KLHL24: variants seen among roughly 807,000 people sequenced by gnomAD.
The protein encoded by KLHL24 is kelch like family member 24.
A neutral mutation model predicts 53.4 loss-of-function variants in KLHL24; 29 were observed. The observed-to-expected ratio is 0.54, with a 90% confidence interval of 0.40 to 0.74. The LOEUF is 0.74. Ranked by LOEUF, KLHL24 falls within the 30% of genes least tolerant of loss-of-function variation. KLHL24 has a pLI of 0.00. For synonymous variants in KLHL24, 222 were observed against 253.7 expected (o/e 0.88, Z 1.19); for missense variants, 504 against 744.0 (o/e 0.68, Z 3.75).
intron 1 of KLHL24, among the ~76,000 whole-genome samples, chr3:183,640,955 TGGAAA>T (rs1333454731): frequency 3.9e-5 from 6 of 152,074 alleles, no homozygotes; most frequent in Admixed American, 3.3e-4. Flanking sequence ...ATTAAGAAAC[TGGAAA>T]TGTTGAAAAT....
At chr3:183,659,347 A>T (rs1719369138) in intron 3 of KLHL24, among the ~76,000 whole-genome samples, 1 of 151,934 alleles carries the variant, frequency 6.6e-6, no homozygotes, top group Non-Finnish European at 1.5e-5. Flanking sequence ...GACCAGCCTG[A>T]CCAACATGGT....
chr3:183,641,341 G>A (rs1022499558), intron 1 of KLHL24, among the ~76,000 whole-genome samples: 1 of 151,880 alleles, frequency 6.6e-6, no homozygotes, highest in African/African-American at 2.4e-5. Flanking sequence ...AAAAATACAT[G>A]GTGGCGCACA....
Position 183,672,488 on chromosome 3 carries a change from A to G in KLHL24, c.1602+4A>G, listed in dbSNP as rs766993559. 3 of 1,597,126 alleles carry G rather than the reference A, an allele frequency of 1.9e-6. No individual in the cohort carries two copies. Among genetic ancestry groups the G allele is most frequent in the South Asian group, 2.2e-5 (2 of 89,272 alleles). ...ACAGAATACATTCAGCCGTCAGGTA[A>G]TAACATAAAGCAGTACAAAAGAAAA... On this transcript the variant is annotated splice_donor_region_variant and intron_variant, in intron 7 of 7. Transcript: ENST00000242810.
intron 1 of KLHL24, among the ~76,000 whole-genome samples, chr3:183,636,924 A>T (rs1272039485): frequency 6.6e-6 from 1 of 152,088 alleles, no homozygotes; most frequent in Non-Finnish European, 1.5e-5. Flanking sequence ...CTGGGCACGC[A>T]GAGATCGGCT....
intron 7 of KLHL24, among the ~76,000 whole-genome samples, chr3:183,673,243 G>A (rs1721603838): frequency 6.6e-6 from 1 of 152,162 alleles, no homozygotes; most frequent in African/African-American, 2.4e-5. Context: ...AATATTTCAT[G>A]TTTGCTTGAA....
intron 3 of KLHL24, among the ~76,000 whole-genome samples, chr3:183,652,196 TA>T (rs889497493): frequency 2.6e-5 from 4 of 152,180 alleles, no homozygotes; most frequent in African/African-American, 4.8e-5. Context: ...AATGTGTGCT[TA>T]GGGGGTAGAA....
At chr3:183,638,146 G>A (rs1715667224) in intron 1 of KLHL24, among the ~76,000 whole-genome samples, 1 of 152,192 alleles carries the variant, frequency 6.6e-6, no homozygotes. Flanking sequence ...GTATCTAAAT[G>A]AGTACAAAAT....
In KLHL24 at chr3:183,663,553, C is replaced by A; in HGVS notation, c.1016C>A (p.Thr339Lys). 6.2e-7 allele frequency: 1 copy of A among 1,608,810 alleles called. No homozygotes were observed. Among genetic ancestry groups the A allele is most frequent in the Non-Finnish European group, 8.5e-7 (1 of 1,176,816 alleles). Residue 339 changes from threonine (T) to lysine (K), a missense_variant, in exon 4 of 8, where the codon ACA (threonine) becomes AAA (lysine). Thr to Lys is a moderately conservative substitution (Grantham distance 78, BLOSUM62 -1). Transcript: ENST00000242810. The surrounding 1 kb of genome is among the most constrained non-coding windows in gnomAD (Gnocchi z 4.9). ...LPYTECYDPV[T>K]GEWKSLAKLP... ...TACACTGAGTGCTACGATCCTGTAA[C>A]AGGAGAATGGAAGTCTTTGGCTAAG...
At chr3:183,664,794 A>G (rs1021817440) in intron 4 of KLHL24, 127 bp from the exon 5 acceptor site, 19 of 515,356 alleles carry the variant, frequency 3.7e-5, no homozygotes, top group African/African-American at 3.3e-4. Context: ...ATTGAGCTGA[A>G]TTCTCAAATT....
chr3:183,656,059 T>TTTTC lies in KLHL24; in HGVS notation c.920+4785_920+4788dup, dbSNP rs1553840740. ...CATCTTTTTTTTTTTTTTTTTTTTT[T>TTTTC]TTTCTGAGACAGGGTCTCACTCTGT... On this transcript the variant is annotated intron_variant, in intron 3 of 7. Transcript: ENST00000242810. Among the ~76,000 whole-genome samples the TTTTC allele has an allele frequency of 7.7e-3, 1,041 of 135,746 alleles. 22 individuals carry two copies. Among genetic ancestry groups the TTTTC allele is most frequent in the Middle Eastern group, 0.014 (3 of 216 alleles). 89.1% of individuals were successfully genotyped at this position (135,746 alleles called of 152,430 possible).
intron 7 of KLHL24, among the ~76,000 whole-genome samples, chr3:183,674,864 C>T (rs536992793): frequency 1.4e-4 from 22 of 152,124 alleles, no homozygotes; most frequent in Non-Finnish European, 2.8e-4. Flanking sequence ...TGTTCTTGCC[C>T]TGGTTCATGC....
At chr3:183,669,882 G>C (rs1276305000) in intron 5 of KLHL24, among the ~76,000 whole-genome samples, 1 of 152,166 alleles carries the variant, frequency 6.6e-6, no homozygotes, top group Non-Finnish European at 1.5e-5. Context: ...AGATGCTGTG[G>C]AAGAAGACTC....
chr3:183,641,217 GGGCACAGT>G (rs1350173055), intron 1 of KLHL24, among the ~76,000 whole-genome samples: 1 of 151,928 alleles, frequency 6.6e-6, no homozygotes, highest in African/African-American at 2.4e-5. Flanking sequence ...TGTACTGGCC[GGGCACAGT>G]GGCTCACGCC....
At chr3:183,636,781 C>A (rs1268153909) in intron 1 of KLHL24, 1 of 152,026 alleles carries the variant, frequency 6.6e-6, no homozygotes, top group Non-Finnish European at 1.5e-5. Context: ...GCTGTCGCTG[C>A]TTTTGCAGCT....
At chr3:183,645,565 T>C (rs1330588091) in intron 2 of KLHL24, among the ~76,000 whole-genome samples, 1 of 152,226 alleles carries the variant, frequency 6.6e-6, no homozygotes, top group Non-Finnish European at 1.5e-5. Flanking sequence ...CAGAAAAATC[T>C]TAAAAGAGAT....
At chr3:183,656,371 T>A (rs886684726) in intron 3 of KLHL24, among the ~76,000 whole-genome samples, 1 of 152,166 alleles carries the variant, frequency 6.6e-6, no homozygotes, top group Non-Finnish European at 1.5e-5. Context: ...CCTTTCTTCC[T>A]TCGGCCCTCT....
intron 5 of KLHL24, among the ~76,000 whole-genome samples, chr3:183,667,055 G>A (rs1199833348): frequency 6.6e-6 from 1 of 152,132 alleles, no homozygotes; most frequent in Non-Finnish European, 1.5e-5. Flanking sequence ...CAGAAATGGT[G>A]ACCAGGAACC....
At position 183,681,482 on chromosome 3, in the gene KLHL24, A is replaced by G. The variant is rs1712669604; in HGVS notation, c.*2196A>G. Reference sequence around the variant, plus strand: ...TTGTTATACATTTATTTTAATATCCATGTGTTTATTATAGTAAATTTGAAA... The same window carrying G: ...TTGTTATACATTTATTTTAATATCCGTGTGTTTATTATAGTAAATTTGAAA... On this transcript the variant is annotated 3_prime_UTR_variant, in exon 8 of 8. Coordinates refer to ENST00000242810, the MANE Select transcript of KLHL24 (RefSeq NM_017644.3). 1 of 152,258 alleles carries G rather than the reference A, an allele frequency of 6.6e-6. No homozygotes were observed. Among genetic ancestry groups the G allele is most frequent in the African/African-American group, 2.4e-5 (1 of 41,464 alleles). The allele number at this position is 152,258 out of a possible 1,614,324, so 9.4% of individuals were successfully genotyped here.
intron 1 of KLHL24, among the ~76,000 whole-genome samples, chr3:183,639,491 G>T (rs541318308): frequency 2.6e-5 from 4 of 151,458 alleles, no homozygotes; most frequent in Admixed American, 2.6e-4. Context: ...TTAGCCGGGC[G>T]TAGCGGCGGG....
Sources: gnomAD v4.1 joint callset for allele counts (sites outside exome capture counted in the v4.1 genomes callset) on GRCh38, gnomAD v4.1.1 for gene constraint, Gnocchi (gnomAD v3.1) non-coding constraint, MANE v1.5 for transcripts, NCBI Gene and HGNC (gene_info 2026-07-23, HGNC 2026-07-21) for gene names.